Variants in PTPN9 observed in about 807,000 individuals in gnomAD.
PTPN9 encodes the protein protein tyrosine phosphatase non-receptor type 9.
PTPN9 carries 26 observed loss-of-function variants against 69.8 expected under a neutral mutation model. The observed-to-expected ratio is 0.37, with a 90% CI of 0.27 to 0.52. The LOEUF is 0.52. PTPN9 is among the 20% of genes least tolerant of loss of function. The pLI is 0.91. For synonymous variants in PTPN9, 274 were observed against 272.5 expected (o/e 1.01, Z -0.05); for missense variants, 549 against 740.3 (o/e 0.74, Z 3.00).
chr15:75,499,263 G>C (rs992484207), intron 7 of PTPN9, among the ~76,000 whole-genome samples: 2 of 152,008 alleles, frequency 1.3e-5, no homozygotes, highest in Admixed American at 1.3e-4. Context: ...GAGGATTCTA[G>C]GTTCTAAATC....
At chr15:75,488,839 T>C (rs565274878) in intron 8 of PTPN9, among the ~76,000 whole-genome samples, 14 of 151,446 alleles carry the variant, frequency 9.2e-5, no homozygotes, top group African/African-American at 3.4e-4. Context: ...AGTGAATGAA[T>C]CATATTATAG....
At chr15:75,527,082 A>T (rs188430323) in intron 2 of PTPN9, 36 bp downstream of exon 2, 3 of 1,612,968 alleles carry the variant, frequency 1.9e-6, no homozygotes, top group East Asian at 4.5e-5. Flanking sequence ...ACTTAACCCA[A>T]CTGCCACAGG....
chr15:75,476,344 T>G (rs1278088286), intron 9 of PTPN9, among the ~76,000 whole-genome samples: 1 of 152,058 alleles, frequency 6.6e-6, no homozygotes, highest in East Asian at 1.9e-4. Flanking sequence ...AGACCGAGTA[T>G]CACTCTGTCG....
At chr15:75,469,048 A>C in intron 12 of PTPN9, 65 bp from the exon 13 acceptor site, 4 of 1,391,024 alleles carry the variant, frequency 2.9e-6, no homozygotes, top group Non-Finnish European at 4.0e-6. Flanking sequence ...CTACCAAATA[A>C]CCCAGGCAGA....
intron 1 of PTPN9, among the ~76,000 whole-genome samples, chr15:75,548,540 C>T (rs1420830220): frequency 6.6e-6 from 1 of 152,072 alleles, no homozygotes; most frequent in Non-Finnish European, 1.5e-5. Flanking sequence ...AGGCATGAAC[C>T]ACCACGCCCA....
At position 75,573,043 on chromosome 15, in the gene PTPN9, T is replaced by A. The variant is rs1266955989; in HGVS notation, c.63+5671A>T. Among the ~76,000 whole-genome samples the A allele has an allele frequency of 2.0e-5, 3 of 152,172 alleles. No homozygotes were observed. In the East Asian group the frequency reaches 5.8e-4, roughly 29 times the overall value. ...TACCAAAACCCACAAAATTAGCTAT[T>A]TTATACCCACTTAGGCACCTAAGTA... On this transcript the variant is annotated intron_variant, in intron 1 of 12. Coordinates refer to ENST00000618819, the MANE Select transcript of PTPN9 (RefSeq NM_002833.4).
At chr15:75,571,990 C>T (rs556938428) in intron 1 of PTPN9, among the ~76,000 whole-genome samples, 7 of 152,212 alleles carry the variant, frequency 4.6e-5, no homozygotes, top group African/African-American at 1.7e-4. Flanking sequence ...AACCAAAATA[C>T]CCTGAACAGC....
chr15:75,508,141 C>G (rs2074829706), intron 6 of PTPN9, among the ~76,000 whole-genome samples: 1 of 151,842 alleles, frequency 6.6e-6, no homozygotes, highest in South Asian at 2.1e-4. Flanking sequence ...CTTTCATGTC[C>G]TGTCTTTTAA....
chr15:75,519,197 C>T (rs891766844), intron 4 of PTPN9, among the ~76,000 whole-genome samples: 3 of 152,304 alleles, frequency 2.0e-5, no homozygotes, highest in East Asian at 1.9e-4. Context: ...CAACCTCCGC[C>T]GCCCGGGTTC....
chr15:75,473,593 C>T, intron 10 of PTPN9, 96 bp downstream of exon 10: 2 of 1,110,516 alleles, frequency 1.8e-6, no homozygotes, highest in Non-Finnish European at 2.7e-6. Flanking sequence ...CCAGGCTGAC[C>T]CTCATTATTT....
chr15:75,569,862 A>C (rs1228105815), intron 1 of PTPN9, among the ~76,000 whole-genome samples: 1 of 151,664 alleles, frequency 6.6e-6, no homozygotes, highest in Non-Finnish European at 1.5e-5. Flanking sequence ...TCGCTTTGTC[A>C]CCAGGCTGGA....
chr15:75,494,509 TA>T (rs1191862835), intron 7 of PTPN9, among the ~76,000 whole-genome samples: 2 of 150,680 alleles, frequency 1.3e-5, no homozygotes, highest in Non-Finnish European at 2.9e-5. Flanking sequence ...CCTGCCACCA[TA>T]CCTGGCTAAT....
intron 8 of PTPN9, among the ~76,000 whole-genome samples, chr15:75,481,834 G>A (rs1451652889): frequency 1.5e-5 from 2 of 135,622 alleles, no homozygotes; most frequent in South Asian, 2.7e-4. Context: ...GGGAGGTGGG[G>A]GGGGGTCAGC....
chr15:75,488,653 G>A (rs574550993), intron 8 of PTPN9, among the ~76,000 whole-genome samples: 9 of 152,232 alleles, frequency 5.9e-5, no homozygotes, highest in Middle Eastern at 3.4e-3. Flanking sequence ...AATCAGCCAT[G>A]TGTAATGGCG....
chr15:75,522,400 G>T (rs1011718441), intron 4 of PTPN9, among the ~76,000 whole-genome samples: 9 of 151,142 alleles, frequency 6.0e-5, no homozygotes, highest in South Asian at 2.1e-4. Flanking sequence ...TTTTTGTGGG[G>T]TTTTTTTTGA....
At chr15:75,494,087 G>A (rs901003990) in intron 7 of PTPN9, among the ~76,000 whole-genome samples, 7 of 149,022 alleles carry the variant, frequency 4.7e-5, no homozygotes, top group Non-Finnish European at 8.9e-5. Flanking sequence ...TCACAATACC[G>A]AAATATTTAC....
At chr15:75,543,928 A>G (rs1424947247) in intron 1 of PTPN9, among the ~76,000 whole-genome samples, 1 of 152,162 alleles carries the variant, frequency 6.6e-6, no homozygotes, top group Non-Finnish European at 1.5e-5. Context: ...TGTTTCACGA[A>G]CTGCTAGCCT....
intron 1 of PTPN9, among the ~76,000 whole-genome samples, 181 bp from the exon 2 acceptor site, chr15:75,527,442 T>A (rs1243402343): frequency 6.6e-6 from 1 of 151,928 alleles, no homozygotes. Context: ...TAGTTAAAAT[T>A]TGTATAATTC....
intron 10 of PTPN9, among the ~76,000 whole-genome samples, chr15:75,472,485 TAAAA>T (rs1454094244): frequency 2.4e-5 from 3 of 127,278 alleles, no homozygotes; most frequent in African/African-American, 8.9e-5. Flanking sequence ...TAAAATAAAA[TAAAA>T]TAAAAATAAA....
Sources: allele counts gnomAD v4.1 joint callset (sites outside exome capture counted in the v4.1 genomes callset), GRCh38; gene constraint gnomAD v4.1.1; transcripts MANE v1.5; gene names NCBI Gene and HGNC (gene_info 2026-07-23, HGNC 2026-07-21).